Variants in SMC4 observed in about 807,000 individuals in gnomAD.
SMC4 encodes the protein structural maintenance of chromosomes protein 4.
Under a neutral mutation model 145.6 loss-of-function variants are expected in SMC4, and 87 were observed. The ratio of observed to expected loss-of-function variants is 0.60; its 90% CI spans 0.50 to 0.71. The LOEUF (loss-of-function observed/expected upper bound fraction) is 0.71. Ranked by LOEUF, SMC4 falls within the 30% of genes least tolerant of loss-of-function variation. The probability of loss-of-function intolerance (pLI) is 0.00; values close to 1 mark genes in which losing one functional copy is unlikely to be tolerated. For missense variants in SMC4, 1,447 were observed against 1,537.1 expected (o/e 0.94, Z 0.98); for synonymous variants, 558 against 500.7 (o/e 1.11, Z -1.53).
In SMC4 at chr3:160,423,552, T is replaced by C. The variant is rs566318341; in HGVS notation, c.2147T>C (p.Leu716Ser). The change falls in exon 14 of 24, where the codon TTA (leucine) becomes TCA (serine). Residue 716 changes from leucine (L) to serine (S), a missense_variant. Coordinates refer to ENST00000357388, the MANE Select transcript of SMC4 (RefSeq NM_001002800.3). ...TTTTATTTTGCTTTACGAGATACCT[T>C]AGTAGCTGACAACTTGGATCAAGCC... ...QAFYFALRDT[L>S]VADNLDQATR... 2 of 1,613,958 alleles carry C rather than the reference T, an allele frequency of 1.2e-6. No individual in the cohort carries two copies. Among genetic ancestry groups the C allele is most frequent in the Non-Finnish European group, 1.7e-6 (2 of 1,179,910 alleles).
At chr3:160,426,819 AG>A (rs1228118313) in intron 17 of SMC4, among the ~76,000 whole-genome samples, 2 of 152,204 alleles carry the variant, frequency 1.3e-5, no homozygotes, top group Non-Finnish European at 2.9e-5. Context: ...TAATGGGAGA[AG>A]GGATAGTGGA....
chr3:160,400,787 G>T (rs974628194), intron 1 of SMC4, 35 bp from the exon 2 acceptor site: 3 of 1,466,116 alleles, frequency 2.0e-6, no homozygotes, highest in South Asian at 2.7e-5. Context: ...AGCGGCCCGC[G>T]GGCTGACTTG....
At position 160,433,909 on chromosome 3, in the gene SMC4, A is replaced by C; in HGVS notation, c.*100A>C. 1.2e-6 allele frequency: 1 copy of C among 814,066 alleles called. No homozygotes were observed. Among genetic ancestry groups the C allele is most frequent in the Non-Finnish European group, 1.9e-6 (1 of 521,478 alleles). 50.4% of individuals were successfully genotyped at this position (814,066 alleles called of 1,614,324 possible). On this transcript the variant is annotated 3_prime_UTR_variant, in exon 24 of 24. Transcript: ENST00000357388. ...GTATAAAATACATACTCCCTAAACTAGATCATGAAACTGGTTTCTGTTTTA... is the reference window on the plus strand; with the variant it reads ...GTATAAAATACATACTCCCTAAACTCGATCATGAAACTGGTTTCTGTTTTA...
In SMC4 at chr3:160,402,673, C is replaced by T; in HGVS notation, c.319-3C>T. Reference sequence around the variant, plus strand: ...GTGTTTTGTTTTTGTTTTTTTAATGCAGCGCTTTTCCTGTATTATCGGGCC... The same window carrying T: ...GTGTTTTGTTTTTGTTTTTTTAATGTAGCGCTTTTCCTGTATTATCGGGCC... On this transcript the variant is annotated splice_region_variant and splice_polypyrimidine_tract_variant and intron_variant, in intron 3 of 23. Coordinates refer to ENST00000357388, the MANE Select transcript of SMC4 (RefSeq NM_001002800.3). The T allele has an allele frequency of 6.3e-7, 1 of 1,598,022 alleles. No individual in the cohort carries two copies. Among genetic ancestry groups the T allele is most frequent in the South Asian group, 1.1e-5 (1 of 87,114 alleles).
At chr3:160,401,029 G>T in intron 2 of SMC4, 64 bp downstream of exon 2, 2 of 1,357,340 alleles carry the variant, frequency 1.5e-6, no homozygotes, top group Non-Finnish European at 9.4e-7. Flanking sequence ...AACGCGCCCA[G>T]CCCGAGGCTG....
At chr3:160,414,232 A>G in intron 8 of SMC4, 135 bp from the exon 9 acceptor site, 1 of 749,566 alleles carries the variant, frequency 1.3e-6, no homozygotes, top group Non-Finnish European at 2.4e-6. Flanking sequence ...ATCATCTTGG[A>G]ATAAGGAGAG....
intron 5 of SMC4, among the ~76,000 whole-genome samples, chr3:160,410,176 C>T (rs1044239244): frequency 4.6e-5 from 7 of 152,170 alleles, no homozygotes; most frequent in African/African-American, 1.4e-4. Context: ...CATTCAGTAA[C>T]GTCTGAAGAC....
In SMC4 at chr3:160,417,077, G is replaced by C. The variant is rs74982869; in HGVS notation, c.1438-646G>C. Among the ~76,000 whole-genome samples, 680 of 152,160 alleles carry C rather than the reference G, an allele frequency of 4.5e-3. 7 individuals carry two copies. The highest frequency in any genetic ancestry group is 0.016 in the African/African-American group (651 of 41,544). On this transcript the variant is annotated intron_variant, in intron 10 of 23. Coordinates refer to ENST00000357388, the MANE Select transcript of SMC4 (RefSeq NM_001002800.3). Reference sequence around the variant, plus strand: ...CAAGAGTAAGCATAAAATTATCTTTGTTTGTATGTACCACAGCATTTTTGA... The same window carrying C: ...CAAGAGTAAGCATAAAATTATCTTTCTTTGTATGTACCACAGCATTTTTGA...
intron 5 of SMC4, chr3:160,404,719 TTA>T: frequency 2.9e-6 from 2 of 687,680 alleles, no homozygotes; most frequent in Non-Finnish European, 5.6e-6. Context: ...GATGTTCGTT[TTA>T]TGTTTGGATG....
chr3:160,430,387 GC>G (rs1476230812), intron 18 of SMC4, among the ~76,000 whole-genome samples: 4 of 152,058 alleles, frequency 2.6e-5, no homozygotes, highest in Non-Finnish European at 5.9e-5. Flanking sequence ...TATAAGAAAG[GC>G]ATTTATAATT....
intron 5 of SMC4, 66 bp from the exon 6 acceptor site, chr3:160,411,854 A>G (rs1716022615): frequency 7.2e-6 from 10 of 1,390,250 alleles, no homozygotes; most frequent in African/African-American, 2.9e-5. Flanking sequence ...ACTGCTCCCA[A>G]TTCTCACTTA....
At position 160,408,106 on chromosome 3, in the gene SMC4, C is replaced by G. The variant is rs184609159; in HGVS notation, c.687+3602C>G. Among the ~76,000 whole-genome samples, 43 of 152,188 alleles carry G rather than the reference C, an allele frequency of 2.8e-4. 1 individual carries two copies. In the East Asian group the frequency reaches 6.2e-3, roughly 22 times the overall value. On this transcript the variant is annotated intron_variant, in intron 5 of 23. Coordinates refer to ENST00000357388, the MANE Select transcript of SMC4 (RefSeq NM_001002800.3). ...AATTTTAGGCCATTTAATTTTTATG[C>G]AAACACTCATATTTGCTGTAAGAAT...
intron 5 of SMC4, among the ~76,000 whole-genome samples, chr3:160,408,199 G>A (rs1329324073): frequency 6.6e-6 from 1 of 152,118 alleles, no homozygotes; most frequent in Admixed American, 6.5e-5. Context: ...GCCTTACTAG[G>A]ACAACAAAAC....
At chr3:160,417,690 C>T (rs754819843) in intron 10 of SMC4, 33 bp from the exon 11 acceptor site, 1 of 1,488,990 alleles carries the variant, frequency 6.7e-7, no homozygotes, top group Non-Finnish European at 9.3e-7. Context: ...AAGTAAATAT[C>T]TGTCCAGATT....
intron 7 of SMC4, chr3:160,412,784 A>G (rs1716151348): frequency 3.2e-6 from 3 of 925,552 alleles, no homozygotes; most frequent in South Asian, 9.1e-5. Flanking sequence ...CCAGGGTTGA[A>G]TTTATTAAAT....
intron 22 of SMC4, 50 bp downstream of exon 22, chr3:160,432,565 A>C: frequency 8.5e-7 from 1 of 1,173,480 alleles, no homozygotes. Context: ...TTTTCTACAT[A>C]TTCTCCAAAC....
At chr3:160,401,544 C>G (rs1281468933) in intron 2 of SMC4, among the ~76,000 whole-genome samples, 2 of 152,132 alleles carry the variant, frequency 1.3e-5, no homozygotes, top group Non-Finnish European at 2.9e-5. Flanking sequence ...AGAATTGCAT[C>G]TAGAGCCTTA....
intron 11 of SMC4, among the ~76,000 whole-genome samples, chr3:160,418,749 A>G (rs992320866): frequency 6.6e-6 from 1 of 152,200 alleles, no homozygotes; most frequent in East Asian, 1.9e-4. Flanking sequence ...AATCTAGTGG[A>G]TGGAGGAATA....
At chr3:160,404,784 T>C (rs749488063) in intron 5 of SMC4, 3 of 585,624 alleles carry the variant, frequency 5.1e-6, no homozygotes, top group South Asian at 4.2e-5. Context: ...CGTAGTGAAA[T>C]ATATATTAAA....
Sources: gnomAD v4.1 joint callset for allele counts (sites outside exome capture counted in the v4.1 genomes callset) on GRCh38, gnomAD v4.1.1 for gene constraint, MANE v1.5 for transcripts, NCBI Gene and HGNC (gene_info 2026-07-23, HGNC 2026-07-21) for gene names.